The following PPP1R12B variants were observed in gnomAD, a reference collection of about 807,000 sequenced individuals.
PPP1R12B encodes protein phosphatase 1 regulatory subunit 12B, also known as myosin phosphatase target subunit 2.
Under a neutral mutation model 126.1 loss-of-function variants are expected in PPP1R12B, and 76 were observed. That is an observed-to-expected ratio of 0.60 (90% confidence interval 0.50 to 0.73). PPP1R12B has a LOEUF of 0.73. PPP1R12B is among the 30% of genes least tolerant of loss of function. The probability of loss-of-function intolerance (pLI) is 0.00; values close to 1 mark genes in which losing one functional copy is unlikely to be tolerated. For synonymous variants in PPP1R12B, 356 were observed against 434.7 expected, an observed-to-expected ratio of 0.82 and a Z score of 2.25; for missense variants, 1,052 against 1,205.1, an observed-to-expected ratio of 0.87 and a Z score of 1.88.
chr1:202,444,316 T>C (rs901432990), intron 12 of PPP1R12B, among the ~76,000 whole-genome samples: 1 of 152,232 alleles, frequency 6.6e-6, no homozygotes, highest in Non-Finnish European at 1.5e-5. Flanking sequence ...ATTTCTATTA[T>C]AGTCAAGAAG....
chr1:202,461,284 A>T (rs975178501), intron 13 of PPP1R12B, among the ~76,000 whole-genome samples: 1 of 151,964 alleles, frequency 6.6e-6, no homozygotes, highest in African/African-American at 2.4e-5. Flanking sequence ...CTCTTTCCTC[A>T]TATGTAAAAA....
At chr1:202,414,762 T>A (rs1667844967) in intron 1 of PPP1R12B, among the ~76,000 whole-genome samples, 1 of 152,176 alleles carries the variant, frequency 6.6e-6, no homozygotes, top group Non-Finnish European at 1.5e-5. Flanking sequence ...CTGAAGCAGA[T>A]GCACAAGTGG....
chr1:202,378,997 G>A (rs533407099), intron 1 of PPP1R12B, among the ~76,000 whole-genome samples: 1 of 151,344 alleles, frequency 6.6e-6, no homozygotes, highest in Non-Finnish European at 1.5e-5. Context: ...ATATTCTTTC[G>A]TCTTTGTAAC....
intron 1 of PPP1R12B, among the ~76,000 whole-genome samples, chr1:202,387,970 A>G (rs1425810574): frequency 6.6e-6 from 1 of 152,188 alleles, no homozygotes. Context: ...TAAAAGCAGA[A>G]TAATTCTAAG....
intron 1 of PPP1R12B, among the ~76,000 whole-genome samples, chr1:202,384,040 C>T (rs1050451317): frequency 2.6e-5 from 4 of 152,118 alleles, no homozygotes; most frequent in Non-Finnish European, 4.4e-5. Context: ...AATAAAAAGA[C>T]GGACAATAAC....
intron 13 of PPP1R12B, among the ~76,000 whole-genome samples, chr1:202,482,021 T>C (rs1483271370): frequency 6.6e-6 from 1 of 152,194 alleles, no homozygotes; most frequent in Non-Finnish European, 1.5e-5. Context: ...CTTATTTCAC[T>C]TAACCTGATA....
chr1:202,458,436 G>A (rs1228866229), intron 13 of PPP1R12B, among the ~76,000 whole-genome samples: 1 of 115,104 alleles, frequency 8.7e-6, no homozygotes, highest in Non-Finnish European at 1.9e-5. Flanking sequence ...ACCCAAGACT[G>A]GTATTCCACT....
intron 1 of PPP1R12B, among the ~76,000 whole-genome samples, chr1:202,406,137 A>C (rs1435591922): frequency 1.3e-5 from 2 of 152,182 alleles, no homozygotes; most frequent in African/African-American, 4.8e-5. Context: ...CTTGTGAAAC[A>C]CTTGTTTATG....
chr1:202,416,849 C>T lies in PPP1R12B; in HGVS notation c.354C>T (p.Asn118=). The change falls in exon 2 of 24, where the codon AAC becomes AAT. Residue 118 remains asparagine (N), a synonymous_variant. Coordinates refer to ENST00000608999, the MANE Select transcript of PPP1R12B (RefSeq NM_002481.4). ...KFLVENRANV[N]QQDNEGWTPL... is the part of the protein sequence containing the mutation. ...TGGTGGAGAACAGAGCCAATGTAAA[C>T]CAGCAAGACAACGAGGGCTGGACAC... The T allele has an allele frequency of 6.2e-7, 1 of 1,614,012 alleles. No individual in the cohort carries two copies. The highest frequency in any genetic ancestry group is 1.6e-4 in the Middle Eastern group (1 of 6,062).
chr1:202,532,769 ACT>A (rs575007947), intron 18 of PPP1R12B, among the ~76,000 whole-genome samples: 85 of 147,346 alleles, frequency 5.8e-4, no homozygotes, highest in South Asian at 1.5e-3. Context: ...AGATGAAAAA[ACT>A]CTGTTTTTTT....
intron 1 of PPP1R12B, chr1:202,410,243 A>G (rs1400121951): frequency 1.3e-5 from 2 of 152,174 alleles, no homozygotes; most frequent in African/African-American, 2.4e-5. Flanking sequence ...CACTCTATGG[A>G]CTGCCTTTTT....
intron 18 of PPP1R12B, chr1:202,502,275 G>A (rs570508744): frequency 3.0e-6 from 3 of 984,092 alleles, no homozygotes; most frequent in Non-Finnish European, 3.6e-6. Context: ...GATAACTGGG[G>A]GTATGCTCGT....
intron 18 of PPP1R12B, among the ~76,000 whole-genome samples, chr1:202,529,142 G>A (rs1234792869): frequency 6.6e-6 from 1 of 152,074 alleles, no homozygotes; most frequent in African/African-American, 2.4e-5. Context: ...ACCTGAGAAC[G>A]TGAAGATAAA....
At chr1:202,527,726 A>G (rs1683495455) in intron 18 of PPP1R12B, among the ~76,000 whole-genome samples, 1 of 152,164 alleles carries the variant, frequency 6.6e-6, no homozygotes, top group South Asian at 2.1e-4. Context: ...GCCTAGAGTA[A>G]TTTGGGGGAT....
chr1:202,455,654 T>C (rs1673537376), intron 13 of PPP1R12B, among the ~76,000 whole-genome samples: 1 of 152,200 alleles, frequency 6.6e-6, no homozygotes, highest in Non-Finnish European at 1.5e-5. Flanking sequence ...TTTTAGTTAT[T>C]ATGAATAATG....
Position 202,592,406 on chromosome 1 carries a change from G to C in PPP1R12B, c.*11846G>C, listed in dbSNP as rs925246218. ...TCCCGATGGGAGGAGGCAGGGGTGG[G>C]GCTGGGGAACAAAGACTTTACACGA... On this transcript the variant is annotated 3_prime_UTR_variant, in exon 24 of 24. Transcript: ENST00000608999. 3.9e-5 allele frequency: 6 copies of C among 152,726 alleles called. No individual in the cohort carries two copies. The highest frequency in any genetic ancestry group is 1.4e-4 in the African/African-American group (6 of 41,572). The allele number at this position is 152,726 out of a possible 1,614,324, so 9.5% of individuals were successfully genotyped here.
At chr1:202,368,267 G>A (rs561619151) in intron 1 of PPP1R12B, among the ~76,000 whole-genome samples, 3 of 151,886 alleles carry the variant, frequency 2.0e-5, no homozygotes, top group African/African-American at 4.8e-5. Context: ...CACTGCGCCC[G>A]GCCAAGATCT....
At chr1:202,458,947 G>T (rs1413644382) in intron 13 of PPP1R12B, among the ~76,000 whole-genome samples, 1 of 152,210 alleles carries the variant, frequency 6.6e-6, no homozygotes, top group African/African-American at 2.4e-5. Flanking sequence ...ATCTCCATTT[G>T]CAGTGTAATT....
At chr1:202,512,596 T>C (rs1681653919) in intron 18 of PPP1R12B, among the ~76,000 whole-genome samples, 2 of 152,276 alleles carry the variant, frequency 1.3e-5, no homozygotes, top group Admixed American at 6.5e-5. Flanking sequence ...CCTTGTTTTG[T>C]AGGCTTGATA....
Sources: gnomAD v4.1 joint callset for allele counts (sites outside exome capture counted in the v4.1 genomes callset) on GRCh38, gnomAD v4.1.1 for gene constraint, MANE v1.5 for transcripts, NCBI Gene and HGNC (gene_info 2026-07-23, HGNC 2026-07-21) for gene names.